CERS6: variants seen among roughly 807,000 people sequenced by gnomAD.
CERS6 encodes the protein LAG1 homolog, ceramide synthase 6.
A neutral mutation model predicts 56.8 loss-of-function variants in CERS6; 26 were observed. The observed-to-expected ratio is 0.46, with a 90% CI of 0.34 to 0.63. The LOEUF is 0.63. CERS6 is among the 30% of genes least tolerant of loss of function. The pLI is 0.01. For missense variants in CERS6, 415 were observed against 467.5 expected (o/e 0.89, Z 1.04); for synonymous variants, 164 against 173.3 (o/e 0.95, Z 0.42).
intron 1 of CERS6, among the ~76,000 whole-genome samples, chr2:168,481,099 G>A (rs1694168882): frequency 6.6e-6 from 1 of 152,182 alleles, no homozygotes; most frequent in Admixed American, 6.5e-5. Context: ...TCCTTGAGGA[G>A]CTTGTGGTTT....
At position 168,769,629 on chromosome 2, in the gene CERS6, T is replaced by A; in HGVS notation, c.1122T>A (p.Tyr374Ter). The change falls in exon 10 of 10, where the codon TAT becomes TAA. Residue 374 changes from tyrosine (Y) to a stop codon, truncating the protein, a stop_gained. Transcript: ENST00000305747. LOFTEE classifies it high-confidence loss of function. Reference sequence around the variant, plus strand: ...ATGGGACCAGTGGTACCAACGGGTATCTCCTGACTGGCTCCTGCTCCATGG... The same window carrying A: ...ATGGGACCAGTGGTACCAACGGGTAACTCCTGACTGGCTCCTGCTCCATGG... The part of the protein sequence containing the change: ...TTNGTSGTNG[Y>*]LLTGSCSMDD The A allele has an allele frequency of 6.2e-7, 1 of 1,611,330 alleles. No homozygotes were observed. Among genetic ancestry groups the A allele is most frequent in the Non-Finnish European group, 8.5e-7 (1 of 1,179,210 alleles).
intron 6 of CERS6, among the ~76,000 whole-genome samples, chr2:168,698,277 A>G (rs1425631721): frequency 6.9e-6 from 1 of 145,748 alleles, no homozygotes; most frequent in Admixed American, 6.9e-5. Flanking sequence ...AAAAAAAAAG[A>G]AACACCTGAG....
At chr2:168,570,305 G>A (rs916938377) in intron 3 of CERS6, among the ~76,000 whole-genome samples, 3 of 152,220 alleles carry the variant, frequency 2.0e-5, no homozygotes, top group African/African-American at 7.2e-5. Flanking sequence ...ACTGTGTAGC[G>A]ATGTGACAGA....
chr2:168,521,616 G>A (rs1694984732), intron 1 of CERS6, among the ~76,000 whole-genome samples: 1 of 152,196 alleles, frequency 6.6e-6, no homozygotes, highest in Non-Finnish European at 1.5e-5. Context: ...GGCACTTCCA[G>A]ACAGACGTCT....
intron 1 of CERS6, among the ~76,000 whole-genome samples, chr2:168,481,349 G>C (rs1694174659): frequency 6.6e-6 from 1 of 152,174 alleles, no homozygotes; most frequent in Non-Finnish European, 1.5e-5. Flanking sequence ...TGGAGGCGGA[G>C]CTTGCAGTGA....
At chr2:168,644,444 G>A in intron 4 of CERS6, 1 of 656,494 alleles carries the variant, frequency 1.5e-6, no homozygotes, top group Non-Finnish European at 1.9e-6. Flanking sequence ...TTCAACTTCT[G>A]TTTAGTAGGG....
chr2:168,615,135 G>A (rs1684284969), intron 3 of CERS6, among the ~76,000 whole-genome samples: 2 of 152,074 alleles, frequency 1.3e-5, no homozygotes, highest in South Asian at 4.1e-4. Context: ...CTACAACTTG[G>A]CTCTCAGGAA....
intron 6 of CERS6, among the ~76,000 whole-genome samples, chr2:168,707,778 T>C (rs1223416920): frequency 6.6e-6 from 1 of 152,168 alleles, no homozygotes; most frequent in African/African-American, 2.4e-5. Context: ...ACCCCAAATA[T>C]ACTTTTATTA....
chr2:168,540,463 T>G (rs374188175), intron 1 of CERS6, among the ~76,000 whole-genome samples: 11 of 152,338 alleles, frequency 7.2e-5, no homozygotes, highest in African/African-American at 2.6e-4. Context: ...AGTACCATTC[T>G]GTTTTAATTG....
chr2:168,715,283 G>T (rs918515221), intron 7 of CERS6, among the ~76,000 whole-genome samples, 154 bp downstream of exon 7: 6 of 152,012 alleles, frequency 3.9e-5, no homozygotes, highest in African/African-American at 1.4e-4. Flanking sequence ...GGTTAAGCTG[G>T]TGAAAATGAG....
chr2:168,531,048 A>T lies in CERS6; in HGVS notation c.171-16548A>T, dbSNP rs186904125. Among the ~76,000 whole-genome samples, 260 of 152,230 alleles carry T rather than the reference A, an allele frequency of 1.7e-3. 3 individuals carry two copies. The highest frequency in any genetic ancestry group is 5.9e-3 in the African/African-American group (245 of 41,560). On this transcript the variant is annotated intron_variant, in intron 1 of 9. Transcript: ENST00000305747. Reference sequence around the variant, plus strand: ...TAGATTCAGAAAACAATCCTTAATTAAAAAAAATTAAAGTTAGAAAAGAAA... The same window carrying T: ...TAGATTCAGAAAACAATCCTTAATTTAAAAAAATTAAAGTTAGAAAAGAAA...
Position 168,456,666 on chromosome 2 carries a change from G to T in CERS6, c.170+48G>T, listed in dbSNP as rs1350790572. On this transcript the variant is annotated intron_variant, in intron 1 of 9. Coordinates refer to ENST00000305747, the MANE Select transcript of CERS6 (RefSeq NM_203463.3). The surrounding 1 kb of genome is among the most constrained non-coding windows in gnomAD (Gnocchi z 4.1). ...CTCCCCTCCCCCTGCGCACACACAC[G>T]CGCGCACACACTCGCGCGCTCTCTG... 2 of 1,544,826 alleles carry T rather than the reference G, an allele frequency of 1.3e-6. No individual in the cohort carries two copies. The highest frequency in any genetic ancestry group is 1.1e-5 in the South Asian group (1 of 87,610).
intron 1 of CERS6, among the ~76,000 whole-genome samples, chr2:168,521,258 G>A (rs1313969760): frequency 4.6e-5 from 7 of 152,218 alleles, no homozygotes; most frequent in Non-Finnish European, 1.0e-4. Context: ...TGTTCTGTAA[G>A]TGAAACGTTA....
intron 1 of CERS6, among the ~76,000 whole-genome samples, chr2:168,502,425 A>G (rs75442668): frequency 0.04 from 6,131 of 152,256 alleles, 428 homozygotes; most frequent in African/African-American, 0.14. Context: ...TCAAGTATCC[A>G]TAAGTGGAGA....
At chr2:168,503,543 G>C (rs958195567) in intron 1 of CERS6, among the ~76,000 whole-genome samples, 1 of 152,138 alleles carries the variant, frequency 6.6e-6, no homozygotes, top group Non-Finnish European at 1.5e-5. Context: ...TTAATGTTTT[G>C]GTAGCCTTAA....
intron 3 of CERS6, among the ~76,000 whole-genome samples, chr2:168,605,214 G>A (rs965465322): frequency 6.6e-5 from 10 of 152,178 alleles, no homozygotes; most frequent in Non-Finnish European, 1.0e-4. Context: ...TTATTCTTTA[G>A]CAAAGAACTT....
At chr2:168,519,781 T>C (rs1694945846) in intron 1 of CERS6, among the ~76,000 whole-genome samples, 1 of 152,214 alleles carries the variant, frequency 6.6e-6, no homozygotes, top group Non-Finnish European at 1.5e-5. Context: ...CAAAAGTAAT[T>C]GTGGATTTTG....
rs898110464 is a variant in CERS6, at chr2:168,770,321, C to T, written c.*659C>T. ...TGAAATAGATTTCATTTCTTGTGCA[C>T]ACAGCCAAGATTTCTTCAATGGGTG... On this transcript the variant is annotated 3_prime_UTR_variant, in exon 10 of 10. Transcript: ENST00000305747. The T allele has an allele frequency of 3.9e-5, 6 of 152,320 alleles. No homozygotes were observed. The highest frequency in any genetic ancestry group is 1.4e-4 in the African/African-American group (6 of 41,456). The allele number at this position is 152,320 out of a possible 1,614,324, so 9.4% of individuals were successfully genotyped here.
chr2:168,565,302 C>T (rs186750794), intron 3 of CERS6, among the ~76,000 whole-genome samples: 2 of 152,160 alleles, frequency 1.3e-5, no homozygotes, highest in Non-Finnish European at 2.9e-5. Flanking sequence ...TCAAAATACA[C>T]GTGCCCGAGC....
Sources: gnomAD v4.1 joint callset for allele counts (sites outside exome capture counted in the v4.1 genomes callset) on GRCh38, gnomAD v4.1.1 for gene constraint, Gnocchi (gnomAD v3.1) non-coding constraint, MANE v1.5 for transcripts, NCBI Gene and HGNC (gene_info 2026-07-23, HGNC 2026-07-21) for gene names.